Variants in TTBK2 observed in about 807,000 individuals in gnomAD.
TTBK2 encodes the protein tau-tubulin kinase 2.
TTBK2 carries 28 observed loss-of-function variants against 110.8 expected under a neutral mutation model. The ratio of observed to expected loss-of-function variants is 0.25; its 90% confidence interval spans 0.19 to 0.35. TTBK2 has a LOEUF of 0.35. Ranked by LOEUF, TTBK2 falls within the 10% of genes least tolerant of loss-of-function variation. The probability of loss-of-function intolerance (pLI) is 1.00; values close to 1 mark genes in which losing one functional copy is unlikely to be tolerated. For missense variants in TTBK2, 1,369 were observed against 1,500.3 expected (o/e 0.91, Z 1.45); for synonymous variants, 532 against 527.3 (o/e 1.01, Z -0.12).
Position 42,878,625 on chromosome 15 carries a change from C to A in TTBK2, c.-8G>T, listed in dbSNP as rs16957250. The A allele has an allele frequency of 1.2e-6, 2 of 1,613,666 alleles. No homozygotes were observed. The highest frequency in any genetic ancestry group is 2.2e-5 in the South Asian group (2 of 91,076). ...CTCTCCTCCCCCACTCATTGCAATACACTGATATGGTAGAACAGCTACACA... is the reference window on the plus strand; with the variant it reads ...CTCTCCTCCCCCACTCATTGCAATAAACTGATATGGTAGAACAGCTACACA... On this transcript the variant is annotated 5_prime_UTR_variant, in exon 2 of 15. Transcript: ENST00000267890.
At chr15:42,753,838 T>C (rs564283332) in intron 13 of TTBK2, among the ~76,000 whole-genome samples, 2 of 152,148 alleles carry the variant, frequency 1.3e-5, no homozygotes, top group Non-Finnish European at 2.9e-5. Context: ...TGCCCATACA[T>C]CTGTAAAAAA....
chr15:42,754,887 A>G (rs2061924422), intron 13 of TTBK2, among the ~76,000 whole-genome samples: 2 of 150,996 alleles, frequency 1.3e-5, no homozygotes, highest in Non-Finnish European at 3.0e-5. Flanking sequence ...ACATGCCTGT[A>G]ATCCCAGATA....
chr15:42,867,660 A>G (rs1203169872), intron 3 of TTBK2, among the ~76,000 whole-genome samples: 1 of 152,242 alleles, frequency 6.6e-6, no homozygotes, highest in African/African-American at 2.4e-5. Flanking sequence ...CTGATGGCCA[A>G]AATCCAGAAC....
chr15:42,852,123 G>A (rs1893743838), intron 3 of TTBK2, among the ~76,000 whole-genome samples: 2 of 151,318 alleles, frequency 1.3e-5, no homozygotes, highest in African/African-American at 4.9e-5. Flanking sequence ...AGGCGGGAGT[G>A]CAGTCACGCG....
chr15:42,851,790 A>G (rs1455507199), intron 3 of TTBK2, among the ~76,000 whole-genome samples: 1 of 152,142 alleles, frequency 6.6e-6, no homozygotes, highest in African/African-American at 2.4e-5. Flanking sequence ...GTAACAGTAG[A>G]TAACAGTGGG....
chr15:42,746,048 G>C lies in TTBK2; in HGVS notation c.3482C>G (p.Pro1161Arg). 1 of 1,614,138 alleles carries C rather than the reference G, an allele frequency of 6.2e-7. No homozygotes were observed. Among genetic ancestry groups the C allele is most frequent in the Middle Eastern group, 1.6e-4 (1 of 6,062 alleles). ...AGATGGTGAGGAACTAGACGTGCGA[G>C]GCAAGGATGAGCTTCGAGGAGAGGC... ...PSASPRSSSL[P>R]RTSSSSPSRA... is the part of the protein sequence containing the mutation. The change falls in exon 15 of 15, where the codon CCT becomes CGT. Residue 1161 changes from proline to arginine, a missense_variant. Transcript: ENST00000267890.
At chr15:42,801,405 T>G in intron 9 of TTBK2, 26 of 1,175,064 alleles carry the variant, frequency 2.2e-5, no homozygotes, top group Non-Finnish European at 3.3e-5. Context: ...CTGCTCGGTA[T>G]CTGCGTGGCA....
chr15:42,903,340 G>C (rs141479285), intron 1 of TTBK2, among the ~76,000 whole-genome samples: 1 of 152,164 alleles, frequency 6.6e-6, no homozygotes, highest in Non-Finnish European at 1.5e-5. Context: ...AAGTCCTACA[G>C]ATAGATGGTA....
At chr15:42,774,528 A>G (rs187387096) in intron 13 of TTBK2, among the ~76,000 whole-genome samples, 1 of 152,140 alleles carries the variant, frequency 6.6e-6, no homozygotes, top group Admixed American at 6.5e-5. Flanking sequence ...TGTATCATAA[A>G]TGCCGCCTCT....
intron 13 of TTBK2, among the ~76,000 whole-genome samples, chr15:42,773,161 C>T (rs1208266035): frequency 6.6e-6 from 1 of 152,100 alleles, no homozygotes. Flanking sequence ...TATGATCATT[C>T]CACTGTGCTA....
intron 13 of TTBK2, among the ~76,000 whole-genome samples, chr15:42,759,108 A>C (rs1041046344): frequency 2.6e-5 from 4 of 152,202 alleles, no homozygotes; most frequent in Admixed American, 2.6e-4. Flanking sequence ...TGGTGGCTAC[A>C]ATGTCATGAC....
intron 13 of TTBK2, among the ~76,000 whole-genome samples, chr15:42,761,078 G>T (rs950338762): frequency 4.6e-5 from 7 of 152,086 alleles, no homozygotes. Flanking sequence ...GCATTCACTG[G>T]GGAAAGAACA....
intron 2 of TTBK2, among the ~76,000 whole-genome samples, chr15:42,875,153 A>C (rs1894768363): frequency 6.6e-6 from 1 of 152,196 alleles, no homozygotes; most frequent in African/African-American, 2.4e-5. Flanking sequence ...AAATGACAGA[A>C]TAAAACATCT....
intron 10 of TTBK2, among the ~76,000 whole-genome samples, chr15:42,792,600 G>C (rs1326731878): frequency 6.6e-6 from 1 of 152,102 alleles, no homozygotes; most frequent in Non-Finnish European, 1.5e-5. Context: ...GGGATCGAAA[G>C]ACAGCTGGAG....
intron 1 of TTBK2, among the ~76,000 whole-genome samples, chr15:42,915,160 A>G (rs1041184950): frequency 6.6e-6 from 1 of 152,260 alleles, no homozygotes; most frequent in African/African-American, 2.4e-5. Flanking sequence ...GAATTCCAGA[A>G]ATAAACAATT....
intron 1 of TTBK2, 23 bp downstream of exon 1, chr15:42,920,415 G>A (rs2031310432): frequency 6.6e-6 from 1 of 152,602 alleles, no homozygotes; most frequent in Non-Finnish European, 1.5e-5. Context: ...CGGCGCCCTG[G>A]GGGGTCGGGG....
intron 9 of TTBK2, among the ~76,000 whole-genome samples, chr15:42,800,761 GAAAA>G (rs541636688): frequency 7.3e-6 from 1 of 136,356 alleles, no homozygotes. Flanking sequence ...TTTATTTTGG[GAAAA>G]AAAAAAAAAA....
At chr15:42,794,451 G>A (rs1032438745) in intron 10 of TTBK2, among the ~76,000 whole-genome samples, 193 bp downstream of exon 10, 6 of 152,166 alleles carry the variant, frequency 3.9e-5, no homozygotes, top group African/African-American at 1.4e-4. Context: ...CCATTTCACA[G>A]TATAATCTAT....
chr15:42,822,748 A>G (rs1892357035), intron 6 of TTBK2, among the ~76,000 whole-genome samples: 1 of 152,240 alleles, frequency 6.6e-6, no homozygotes, highest in Non-Finnish European at 1.5e-5. Flanking sequence ...AATGCTCTGG[A>G]TGGATGTTGA....
Sources: allele counts gnomAD v4.1 joint callset (sites outside exome capture counted in the v4.1 genomes callset), GRCh38; gene constraint gnomAD v4.1.1; transcripts MANE v1.5; gene names NCBI Gene and HGNC (gene_info 2026-07-23, HGNC 2026-07-21).